Variants in PHF24 observed in about 807,000 individuals in gnomAD.
PHF24 encodes the protein Galpha inhibitory interacting protein.
Under a neutral mutation model 42.6 loss-of-function variants are expected in PHF24, and 25 were observed. The observed-to-expected ratio is 0.59, with a 90% CI of 0.43 to 0.82. The LOEUF (loss-of-function observed/expected upper bound fraction) is 0.82, where lower values mean the gene tolerates loss of function less well. Ranked by LOEUF, PHF24 falls within the 40% of genes least tolerant of loss-of-function variation. PHF24 has a pLI of 0.00. For synonymous variants in PHF24, 185 were observed against 204.8 expected (o/e 0.90, Z 0.83); for missense variants, 470 against 538.1 (o/e 0.87, Z 1.25).
the PHF24 span, chr9:34,728,657 T>G: frequency 6.4e-7 from 1 of 1,551,510 alleles, no homozygotes. Context: ...TGGTGACACT[T>G]AGAAGACAAA....
At chr9:34,891,527 G>C in the PHF24 span, among the ~76,000 whole-genome samples, 1 of 152,136 alleles carries the variant, frequency 6.6e-6, no homozygotes, top group African/African-American at 2.4e-5. Flanking sequence ...CATAGGTCAG[G>C]GCTGTACTGC....
the PHF24 span, among the ~76,000 whole-genome samples, chr9:34,760,521 C>T: frequency 6.6e-6 from 1 of 152,230 alleles, no homozygotes; most frequent in Non-Finnish European, 1.5e-5. Context: ...GCTAGAATTT[C>T]CAAGAAGTTG....
At chr9:34,716,565 C>CTTTGTTTTGTTTTGTTTTGT in the PHF24 span, among the ~76,000 whole-genome samples, 58 of 148,326 alleles carry the variant, frequency 3.9e-4, 1 homozygote, top group African/African-American at 1.3e-3. Flanking sequence ...TTTTGTTTTG[C>CTTTGTTTTGTTTTGTTTTGT]TTTGTTTTGT....
chr9:34,689,596 T>C, the PHF24 span: 2 of 564,880 alleles, frequency 3.5e-6, no homozygotes, highest in Non-Finnish European at 6.3e-6. The surrounding 1 kb of genome is among the most constrained non-coding windows in gnomAD (Gnocchi z 4.1). Flanking sequence ...GGCGGCTTTA[T>C]TGGTAGCATT....
At chr9:34,853,827 C>CAAA in the PHF24 span, among the ~76,000 whole-genome samples, 2 of 74,802 alleles carry the variant, frequency 2.7e-5, no homozygotes, top group African/African-American at 5.5e-5. Flanking sequence ...GACTCCGTCT[C>CAAA]AAAAAAAAAA....
At chr9:34,694,316 C>T in the PHF24 span, among the ~76,000 whole-genome samples, 4 of 151,744 alleles carry the variant, frequency 2.6e-5, no homozygotes, top group African/African-American at 4.8e-5. Flanking sequence ...ATTAGAGGCA[C>T]GCACCACCAC....
At chr9:34,838,333 T>C in the PHF24 span, 1 of 758,324 alleles carries the variant, frequency 1.3e-6, no homozygotes, top group Non-Finnish European at 2.4e-6. Context: ...TCAGTTGGAA[T>C]CATAGTGTTG....
the PHF24 span, among the ~76,000 whole-genome samples, chr9:34,839,009 A>G: frequency 6.6e-6 from 1 of 152,170 alleles, no homozygotes; most frequent in Non-Finnish European, 1.5e-5. Context: ...GCAATGGGTG[A>G]TTGGTAACAG....
At chr9:34,972,278 C>A in intron 2 of PHF24, 68 bp from the exon 3 acceptor site, 1 of 1,424,102 alleles carries the variant, frequency 7.0e-7, no homozygotes, top group Non-Finnish European at 9.6e-7. Context: ...TAGCTCTGTG[C>A]TTAGTGGCCT....
At chr9:34,862,529 T>C in the PHF24 span, among the ~76,000 whole-genome samples, 1 of 152,072 alleles carries the variant, frequency 6.6e-6, no homozygotes, top group Non-Finnish European at 1.5e-5. Flanking sequence ...ACAACATTTT[T>C]AGACACAGCC....
the PHF24 span, among the ~76,000 whole-genome samples, chr9:34,740,162 G>A: frequency 1.3e-5 from 2 of 152,202 alleles, no homozygotes; most frequent in Non-Finnish European, 2.9e-5. Flanking sequence ...TCAGGAGCCC[G>A]GCTGTCTTCA....
At chr9:34,760,812 C>T in the PHF24 span, among the ~76,000 whole-genome samples, 1 of 152,102 alleles carries the variant, frequency 6.6e-6, no homozygotes, top group Admixed American at 6.6e-5. Context: ...GGCAACATGG[C>T]GAAAACTGGT....
chr9:34,860,997 A>C, the PHF24 span, among the ~76,000 whole-genome samples: 52 of 152,220 alleles, frequency 3.4e-4, 1 homozygote, highest in Non-Finnish European at 1.5e-5. Context: ...CAAGCAGAGC[A>C]CAGTTACATA....
intron 1 of PHF24, among the ~76,000 whole-genome samples, chr9:34,970,061 T>A (rs901187762): frequency 3.3e-5 from 5 of 152,234 alleles, no homozygotes; most frequent in Non-Finnish European, 1.5e-5. Flanking sequence ...TGATGAGCAG[T>A]TAGTGCCTTG....
At chr9:34,870,721 C>G in the PHF24 span, among the ~76,000 whole-genome samples, 244 of 152,226 alleles carry the variant, frequency 1.6e-3, no homozygotes, top group African/African-American at 5.0e-3. Context: ...GTGCACACCA[C>G]TATTCACAAT....
chr9:34,921,555 G>GCTAA, the PHF24 span, among the ~76,000 whole-genome samples: 1 of 152,148 alleles, frequency 6.6e-6, no homozygotes. Context: ...AATAATGAAA[G>GCTAA]CTAACAGCAG....
the PHF24 span, chr9:34,835,075 G>A: frequency 2.0e-6 from 3 of 1,509,530 alleles, no homozygotes; most frequent in East Asian, 2.5e-5. Flanking sequence ...GTGGATGGGG[G>A]CCACTTAGGG....
the PHF24 span, among the ~76,000 whole-genome samples, chr9:34,795,325 A>T: frequency 1.3e-5 from 2 of 150,376 alleles, no homozygotes; most frequent in Admixed American, 1.3e-4. Flanking sequence ...AAGAAAAAAT[A>T]TTGCCAACCC....
the PHF24 span, among the ~76,000 whole-genome samples, chr9:34,751,594 A>T: frequency 6.6e-6 from 1 of 152,228 alleles, no homozygotes; most frequent in Admixed American, 6.5e-5. Flanking sequence ...TCCCAGTATA[A>T]TAATAGCTGG....
Sources: allele counts gnomAD v4.1 joint callset (sites outside exome capture counted in the v4.1 genomes callset), GRCh38; gene constraint gnomAD v4.1.1; non-coding constraint Gnocchi (gnomAD v3.1); transcripts MANE v1.5; gene names NCBI Gene and HGNC (gene_info 2026-07-23, HGNC 2026-07-21).